Variants in C12orf42 observed in about 807,000 individuals in gnomAD.
C12orf42 encodes chromosome 12 open reading frame 42.
A neutral mutation model predicts 21.6 loss-of-function variants in C12orf42; 25 were observed. The observed-to-expected ratio is 1.16, with a 90% confidence interval of 0.84 to 1.62. C12orf42 has a LOEUF of 1.62. C12orf42 is among the 40% of genes most tolerant of loss of function. The pLI is 0.00. For synonymous variants in C12orf42, 174 were observed against 175.0 expected, an observed-to-expected ratio of 0.99 and a Z score of 0.05; for missense variants, 483 against 459.3, an observed-to-expected ratio of 1.05 and a Z score of -0.47.
At chr12:103,511,155 A>G in the C12orf42 span, among the ~76,000 whole-genome samples, 1 of 152,176 alleles carries the variant, frequency 6.6e-6, no homozygotes, top group African/African-American at 2.4e-5. Context: ...CTTACCCAAG[A>G]TGCTGGTCTT....
the C12orf42 span, among the ~76,000 whole-genome samples, chr12:103,522,745 T>A: frequency 6.6e-6 from 1 of 152,218 alleles, no homozygotes; most frequent in Non-Finnish European, 1.5e-5. Flanking sequence ...CACCCTTGGA[T>A]GGGCTTTCAC....
the C12orf42 span, among the ~76,000 whole-genome samples, chr12:103,153,407 G>A: frequency 6.6e-6 from 1 of 152,242 alleles, no homozygotes; most frequent in East Asian, 1.9e-4. Flanking sequence ...CAGAGTGGGA[G>A]AAGATATTTT....
At chr12:103,161,787 G>T in the C12orf42 span, 1 of 152,162 alleles carries the variant, frequency 6.6e-6, no homozygotes, top group African/African-American at 2.4e-5. Context: ...GCTCACACTG[G>T]CGTGGTTACA....
the C12orf42 span, among the ~76,000 whole-genome samples, chr12:103,512,871 G>A: frequency 1.2e-4 from 18 of 152,114 alleles, no homozygotes; most frequent in African/African-American, 3.4e-4. Context: ...GCGTGGTGGT[G>A]GGTGCCTGTA....
chr12:103,420,072 G>GA (rs2049740779), intron 2 of C12orf42, among the ~76,000 whole-genome samples: 1 of 152,094 alleles, frequency 6.6e-6, no homozygotes, highest in African/African-American at 2.4e-5. Context: ...CATTTCTTTA[G>GA]AAAGGAAATG....
chr12:103,505,497 C>T, the C12orf42 span: 41 of 388,054 alleles, frequency 1.1e-4, no homozygotes, highest in East Asian at 2.0e-4. Context: ...GTGGTAGGGA[C>T]GGCATTTACT....
intron 2 of C12orf42, among the ~76,000 whole-genome samples, chr12:103,412,341 T>G (rs1323493689): frequency 6.6e-6 from 1 of 152,104 alleles, no homozygotes. Flanking sequence ...TATACACACA[T>G]GTGACGGTGT....
At position 103,278,351 on chromosome 12, in the gene C12orf42, T is replaced by G. The variant is rs767173453; in HGVS notation, n.338-1141A>C. ...CAAAATACACTTTAAAAATCATCTC[T>G]GTTTTTTCTCCACTAAGACAGAAAA... On this transcript the variant is annotated intron_variant and non_coding_transcript_variant, in intron 4 of 6. Coordinates refer to the C12orf42 transcript ENST00000546526. 5.8e-4 allele frequency among the ~76,000 whole-genome samples: 89 copies of G among 152,342 alleles called. 1 individual carries two copies. The highest frequency in any genetic ancestry group is 6.8e-3 in the Middle Eastern group (2 of 294).
the C12orf42 span, among the ~76,000 whole-genome samples, chr12:103,083,277 T>C: frequency 2.0e-5 from 3 of 152,154 alleles, no homozygotes; most frequent in Admixed American, 1.3e-4. Context: ...GACATGAGAA[T>C]AGCTTGAACC....
chr12:103,323,952 G>C lies in C12orf42; in HGVS notation c.260-17607C>G, dbSNP rs189398883. ...TTCTACAGGGCACAAAGTATATTGA[G>C]ATGTATTTTATCTATAGAGAGTTCT... On this transcript the variant is annotated intron_variant, in intron 4 of 5. Transcript: ENST00000548883. 6.6e-5 allele frequency among the ~76,000 whole-genome samples: 10 copies of C among 152,256 alleles called. No individual in the cohort carries two copies. In the East Asian group the frequency reaches 1.9e-3, roughly 29 times the overall value.
At chr12:103,376,632 T>C (rs1192929420) in intron 3 of C12orf42, among the ~76,000 whole-genome samples, 1 of 152,194 alleles carries the variant, frequency 6.6e-6, no homozygotes, top group African/African-American at 2.4e-5. Flanking sequence ...TCTGATACCA[T>C]TATGTTCCTT....
At chr12:103,153,011 T>C in the C12orf42 span, among the ~76,000 whole-genome samples, 1 of 152,130 alleles carries the variant, frequency 6.6e-6, no homozygotes, top group African/African-American at 2.4e-5. Flanking sequence ...AAAACTCATA[T>C]GGGAATGCAA....
chr12:103,441,853 A>AAAATCTAGCCCCAGCAT (rs1951268271), intron 2 of C12orf42, among the ~76,000 whole-genome samples: 1 of 152,208 alleles, frequency 6.6e-6, no homozygotes, highest in Admixed American at 6.5e-5. Flanking sequence ...TTAGAAATCA[A>AAAATCTAGCCCCAGCAT]AAATCTAGCC....
chr12:103,405,990 G>A (rs1444196430), intron 2 of C12orf42, among the ~76,000 whole-genome samples: 2 of 152,078 alleles, frequency 1.3e-5, no homozygotes, highest in South Asian at 2.1e-4. Flanking sequence ...TGGTTAACTT[G>A]GTTAGAAAAT....
At chr12:103,103,738 CTA>C in the C12orf42 span, among the ~76,000 whole-genome samples, 14 of 151,612 alleles carry the variant, frequency 9.2e-5, no homozygotes, top group African/African-American at 3.4e-4. Context: ...TCTCCAAAAT[CTA>C]TAGTTATAAA....
the C12orf42 span, among the ~76,000 whole-genome samples, chr12:103,183,122 G>A: frequency 3.0e-4 from 45 of 152,074 alleles, no homozygotes; most frequent in Admixed American, 2.2e-3. Flanking sequence ...CTTCTCTGTC[G>A]CCAGGCTGGA....
At chr12:103,099,327 G>T in the C12orf42 span, among the ~76,000 whole-genome samples, 2 of 152,180 alleles carry the variant, frequency 1.3e-5, no homozygotes, top group South Asian at 2.1e-4. Flanking sequence ...ATCTCTATGT[G>T]TTTAGTCAAC....
chr12:103,536,901 A>G, the C12orf42 span, among the ~76,000 whole-genome samples: 1 of 151,862 alleles, frequency 6.6e-6, no homozygotes. Context: ...TATTTTTTGT[A>G]TAGTGTTTAT....
the C12orf42 span, among the ~76,000 whole-genome samples, chr12:103,519,399 T>A: frequency 6.6e-6 from 1 of 152,164 alleles, no homozygotes; most frequent in Admixed American, 6.6e-5. Flanking sequence ...TACCATGTAC[T>A]AAGCAGACAG....
Sources: allele counts gnomAD v4.1 joint callset (sites outside exome capture counted in the v4.1 genomes callset), GRCh38; gene constraint gnomAD v4.1.1; transcripts MANE v1.5; gene names NCBI Gene and HGNC (gene_info 2026-07-23, HGNC 2026-07-21).